Variants in BMP5 observed in about 807,000 individuals in gnomAD.
BMP5 encodes bone morphogenetic protein 5.
BMP5 carries 23 observed loss-of-function variants against 46.6 expected under a neutral mutation model. The ratio of observed to expected loss-of-function variants is 0.49; its 90% CI spans 0.35 to 0.70. The LOEUF is 0.70. Ranked by LOEUF, BMP5 falls within the 30% of genes least tolerant of loss-of-function variation. The pLI is 0.00. For missense variants in BMP5, 545 were observed against 565.6 expected (o/e 0.96, Z 0.37); for synonymous variants, 204 against 191.9 (o/e 1.06, Z -0.52).
At chr6:55,872,021 A>G (rs1777798534) in intron 1 of BMP5, among the ~76,000 whole-genome samples, 2 of 151,818 alleles carry the variant, frequency 1.3e-5, no homozygotes, top group South Asian at 4.1e-4. Flanking sequence ...ACATTTAAAA[A>G]GCACTGGCAC....
At chr6:55,868,866 C>A (rs1777712511) in intron 1 of BMP5, among the ~76,000 whole-genome samples, 1 of 152,140 alleles carries the variant, frequency 6.6e-6, no homozygotes, top group African/African-American at 2.4e-5. Flanking sequence ...TCAGGGCTGA[C>A]TAGTGTGTTT....
At chr6:55,760,684 C>A in intron 4 of BMP5, 151 bp from the exon 5 acceptor site, 1 of 667,524 alleles carries the variant, frequency 1.5e-6, no homozygotes, top group East Asian at 2.8e-5. Flanking sequence ...TACTTACTAA[C>A]CATGTGAACT....
intron 1 of BMP5, among the ~76,000 whole-genome samples, chr6:55,826,735 G>A (rs530137472): frequency 6.6e-6 from 1 of 151,060 alleles, no homozygotes; most frequent in Non-Finnish European, 1.5e-5. Flanking sequence ...ATTAATGAAG[G>A]AGTTAATATA....
intron 1 of BMP5, among the ~76,000 whole-genome samples, chr6:55,872,990 G>T (rs929184280): frequency 6.6e-6 from 1 of 151,694 alleles, no homozygotes; most frequent in Non-Finnish European, 1.5e-5. Flanking sequence ...TTAATTATAC[G>T]TAGAAGAAAA....
intron 1 of BMP5, among the ~76,000 whole-genome samples, chr6:55,838,340 TG>T (rs1776873156): frequency 6.6e-6 from 1 of 152,246 alleles, no homozygotes; most frequent in Non-Finnish European, 1.5e-5. Flanking sequence ...CCATATTAAC[TG>T]GGGTGAGCTG....
chr6:55,872,550 G>T (rs989666541), intron 1 of BMP5, among the ~76,000 whole-genome samples: 21 of 151,630 alleles, frequency 1.4e-4, no homozygotes, highest in Middle Eastern at 3.8e-3. Context: ...AGGAATCAAT[G>T]AATAAAACTA....
intron 3 of BMP5, among the ~76,000 whole-genome samples, chr6:55,785,799 G>A (rs1188664340): frequency 6.6e-6 from 1 of 151,382 alleles, no homozygotes; most frequent in East Asian, 1.9e-4. Flanking sequence ...GATAATTTAT[G>A]TTTTGATGTT....
chr6:55,837,198 TG>T (rs1428065617), intron 1 of BMP5, among the ~76,000 whole-genome samples: 1 of 152,000 alleles, frequency 6.6e-6, no homozygotes, highest in Non-Finnish European at 1.5e-5. Flanking sequence ...ACTATGGGTG[TG>T]GGCGACCACA....
At chr6:55,866,456 G>A (rs1043509523) in intron 1 of BMP5, among the ~76,000 whole-genome samples, 4 of 152,134 alleles carry the variant, frequency 2.6e-5, no homozygotes, top group African/African-American at 9.7e-5. Context: ...TATGGAATGC[G>A]AATGCTGCAT....
intron 1 of BMP5, among the ~76,000 whole-genome samples, chr6:55,830,678 A>G (rs972000525): frequency 3.9e-5 from 6 of 152,046 alleles, no homozygotes; most frequent in Non-Finnish European, 7.4e-5. Flanking sequence ...ACTTGTTCTT[A>G]ATGTTATTTA....
At chr6:55,823,483 A>G (rs969608774) in intron 1 of BMP5, among the ~76,000 whole-genome samples, 1 of 152,006 alleles carries the variant, frequency 6.6e-6, no homozygotes, top group Admixed American at 6.6e-5. Flanking sequence ...TTTGTGTGGT[A>G]CATATTTCAT....
chr6:55,764,296 T>A (rs189018070), intron 4 of BMP5, among the ~76,000 whole-genome samples: 2 of 152,100 alleles, frequency 1.3e-5, no homozygotes, highest in African/African-American at 2.4e-5. Context: ...GAAATTGGCC[T>A]GGCGTGGTGT....
chr6:55,791,996 G>T (rs939161562), intron 3 of BMP5, among the ~76,000 whole-genome samples: 1 of 152,040 alleles, frequency 6.6e-6, no homozygotes, highest in Non-Finnish European at 1.5e-5. Context: ...AAGAATTCTT[G>T]GAAGATTATT....
chr6:55,806,594 A>G (rs914941172), intron 2 of BMP5, among the ~76,000 whole-genome samples: 1 of 152,146 alleles, frequency 6.6e-6, no homozygotes, highest in African/African-American at 2.4e-5. Flanking sequence ...AGTTTTTTCT[A>G]ATTCTGTGGG....
chr6:55,760,344 C>A (rs1161277592), intron 5 of BMP5, 113 bp downstream of exon 5: 6 of 897,344 alleles, frequency 6.7e-6, no homozygotes, highest in South Asian at 1.4e-5. Flanking sequence ...TCTAAATGGT[C>A]ATGTCAAAAA....
chr6:55,796,128 C>G (rs926064255), intron 2 of BMP5, among the ~76,000 whole-genome samples: 2 of 152,144 alleles, frequency 1.3e-5, no homozygotes, highest in African/African-American at 4.8e-5. Context: ...GGAGCAGTCA[C>G]CCTGTACCTT....
chr6:55,818,333 G>A (rs527277908), intron 2 of BMP5, among the ~76,000 whole-genome samples: 2 of 151,588 alleles, frequency 1.3e-5, no homozygotes, highest in East Asian at 1.9e-4. Context: ...TATATCAGAC[G>A]CATATAAAAA....
At chr6:55,808,646 A>G (rs753132341) in intron 2 of BMP5, among the ~76,000 whole-genome samples, 2 of 152,146 alleles carry the variant, frequency 1.3e-5, no homozygotes, top group African/African-American at 2.4e-5. Context: ...GCACAGTTCC[A>G]TGGAAAAAGC....
chr6:55,795,887 T>C (rs1324703213), intron 2 of BMP5, among the ~76,000 whole-genome samples: 1 of 152,206 alleles, frequency 6.6e-6, no homozygotes, highest in African/African-American at 2.4e-5. Flanking sequence ...AAGCATATCA[T>C]ACAAAGCAGT....
Sources: allele counts gnomAD v4.1 joint callset (sites outside exome capture counted in the v4.1 genomes callset), GRCh38; gene constraint gnomAD v4.1.1; transcripts MANE v1.5; gene names NCBI Gene and HGNC (gene_info 2026-07-23, HGNC 2026-07-21).